The following WDR41 variants were observed in gnomAD, a reference collection of about 807,000 sequenced individuals.
WDR41 encodes WD repeat domain 41, also known as WD repeat-containing protein 41.
WDR41 carries 63 observed loss-of-function variants against 69.3 expected under a neutral mutation model. The observed-to-expected ratio is 0.91, with a 90% CI of 0.74 to 1.12. The LOEUF is 1.12. WDR41 is among the 50% of genes most tolerant of loss of function. The pLI is 0.00. For synonymous variants in WDR41, 185 were observed against 192.1 expected (o/e 0.96, Z 0.31); for missense variants, 543 against 534.5 (o/e 1.02, Z -0.16).
intron 2 of WDR41, among the ~76,000 whole-genome samples, chr5:77,469,742 A>C (rs1800483413): frequency 1.1e-5 from 1 of 88,152 alleles, no homozygotes; most frequent in South Asian, 3.8e-4. Context: ...AAAAAGGATA[A>C]AAAGAAACAA....
In WDR41 at chr5:77,465,182, A is replaced by G. The variant is rs74559240; in HGVS notation, c.168-373T>C. Among the ~76,000 whole-genome samples, 504 of 152,278 alleles carry G rather than the reference A, an allele frequency of 3.3e-3. 4 individuals are homozygous for G. The highest frequency in any genetic ancestry group is 0.011 in the African/African-American group (473 of 41,560). On this transcript the variant is annotated intron_variant, in intron 2 of 12. Coordinates refer to ENST00000296679, the MANE Select transcript of WDR41 (RefSeq NM_018268.4). ...TTCTAGGAAGTGATTACGATGTTAA[A>G]TAAATTCATTACTTCTATTATTCTC...
chr5:77,462,552 T>C (rs375487145), intron 4 of WDR41, among the ~76,000 whole-genome samples: 1 of 152,306 alleles, frequency 6.6e-6, no homozygotes, highest in Admixed American at 6.5e-5. Flanking sequence ...CTTAACTTTT[T>C]ACCTAAAAGT....
At chr5:77,457,771 G>C (rs966345504) in intron 5 of WDR41, among the ~76,000 whole-genome samples, 2 of 151,620 alleles carry the variant, frequency 1.3e-5, no homozygotes, top group Non-Finnish European at 2.9e-5. Flanking sequence ...ATCTATTCAA[G>C]AACAACTGAA....
chr5:77,455,891 T>A (rs1799810729), intron 5 of WDR41, among the ~76,000 whole-genome samples: 1 of 152,096 alleles, frequency 6.6e-6, no homozygotes, highest in Non-Finnish European at 1.5e-5. Flanking sequence ...GTCTTGGAAC[T>A]TTGTTTTTCC....
chr5:77,575,524 A>T (rs1329181210), intron 1 of WDR41, among the ~76,000 whole-genome samples: 11 of 152,172 alleles, frequency 7.2e-5, no homozygotes, highest in Admixed American at 7.2e-4. Context: ...TCAAAGTGTA[A>T]GGGAACACAC....
chr5:77,570,975 T>G lies in WDR41; in HGVS notation c.42+49504A>C, dbSNP rs1743723309. Among the ~76,000 whole-genome samples, 4 of 151,284 alleles carry G rather than the reference T, an allele frequency of 2.6e-5. No individual in the cohort carries two copies. In the South Asian group the frequency reaches 8.3e-4, roughly 31 times the overall value. ...CCACTAAAACTCAGTTCACAGTGTT[T>G]TATGAAAAATAATGGCTGAAATTGA... On this transcript the variant is annotated intron_variant, in intron 1 of 5. Transcript: ENST00000509971.
At chr5:77,485,167 T>C (rs1182417667) in intron 2 of WDR41, among the ~76,000 whole-genome samples, 6 of 152,156 alleles carry the variant, frequency 3.9e-5, no homozygotes, top group Non-Finnish European at 5.9e-5. Context: ...TTCTCTCTTA[T>C]AAACCTATTG....
In WDR41 at chr5:77,536,964, T is replaced by G. The variant is rs1742998494; in HGVS notation, c.43-47392A>C. On this transcript the variant is annotated intron_variant, in intron 1 of 5. Transcript: ENST00000509971. ...GACAGGTTTTAATTCCTGCCTCATC[T>G]TTTATTCTCTATGGAAACCTGACTG... 2.6e-5 allele frequency among the ~76,000 whole-genome samples: 4 copies of G among 152,242 alleles called. No homozygotes were observed. The South Asian group carries it at 6.2e-4, about 24-fold the overall frequency.
At position 77,615,687 on chromosome 5, in the gene WDR41, C is replaced by CAAAA. The variant is rs10695519; in HGVS notation, c.42+4788_42+4791dup. Among the ~76,000 whole-genome samples the CAAAA allele has an allele frequency of 4.0e-3, 314 of 79,132 alleles. 8 individuals carry two copies. Among genetic ancestry groups the CAAAA allele is most frequent in the East Asian group, 0.015 (33 of 2,204 alleles). 51.9% of individuals were successfully genotyped at this position (79,132 alleles called of 152,430 possible). A position where few individuals can be genotyped will look rare whatever the true frequency, so the allele number is the denominator to read the frequency against. On this transcript the variant is annotated intron_variant, in intron 1 of 5. Coordinates refer to the WDR41 transcript ENST00000509971. ...CTCAGTTTTTAAAATTACTGCAAGT[C>CAAAA]AAAAAAAAAAAAAAAAAAAAGGCCA...
intron 5 of WDR41, among the ~76,000 whole-genome samples, chr5:77,455,547 C>T (rs545677299): frequency 1.4e-4 from 21 of 152,244 alleles, no homozygotes; most frequent in Non-Finnish European, 2.9e-4. Context: ...CAGAGATGTA[C>T]GCCTATATTT....
At chr5:77,459,535 AG>A (rs1799956624) in intron 4 of WDR41, among the ~76,000 whole-genome samples, 2 of 152,318 alleles carry the variant, frequency 1.3e-5, no homozygotes, top group South Asian at 4.1e-4. Flanking sequence ...TAATATGGAT[AG>A]CATGATTTAC....
chr5:77,579,551 CA>C (rs1383645199), intron 1 of WDR41, among the ~76,000 whole-genome samples: 1 of 152,126 alleles, frequency 6.6e-6, no homozygotes, highest in Non-Finnish European at 1.5e-5. Flanking sequence ...ACCACCCTGT[CA>C]AACAAGAATC....
intron 1 of WDR41, among the ~76,000 whole-genome samples, chr5:77,594,898 C>T (rs1229363429): frequency 6.6e-6 from 1 of 152,174 alleles, no homozygotes; most frequent in Non-Finnish European, 1.5e-5. Flanking sequence ...CACTATTCTC[C>T]TTCAGAGCAT....
rs555249650 is a variant in WDR41, at chr5:77,514,262, C to T, written c.43-24690G>A. ...ATACTGCAGATTCATTTTTGTGCTACGTGTTTTCCAGTTACAATAGCCTAG... is the reference window on the plus strand; with the variant it reads ...ATACTGCAGATTCATTTTTGTGCTATGTGTTTTCCAGTTACAATAGCCTAG... On this transcript the variant is annotated intron_variant, in intron 1 of 5. Coordinates refer to the WDR41 transcript ENST00000509971. 4.6e-5 allele frequency among the ~76,000 whole-genome samples: 7 copies of T among 152,060 alleles called. No individual in the cohort carries two copies. In the South Asian group the frequency reaches 1.2e-3, roughly 27 times the overall value.
In WDR41 at chr5:77,511,046, C is replaced by G. The variant is rs147532970; in HGVS notation, c.43-21474G>C. On this transcript the variant is annotated intron_variant, in intron 1 of 5. Transcript: ENST00000509971. ...TGCTGGGGTTACAGGTGTGAGCCAC[C>G]ACACCCAGCCCAAATTTAATTTTTA... Among the ~76,000 whole-genome samples the G allele has an allele frequency of 3.4e-3, 510 of 152,130 alleles. 5 individuals are homozygous for G. The highest frequency in any genetic ancestry group is 0.012 in the African/African-American group (479 of 41,484).
intron 9 of WDR41, among the ~76,000 whole-genome samples, chr5:77,439,686 G>A (rs1293000158): frequency 6.6e-6 from 1 of 152,052 alleles, no homozygotes; most frequent in Non-Finnish European, 1.5e-5. Context: ...TAGAAGGAAA[G>A]AACTCACAAC....
intron 12 of WDR41, among the ~76,000 whole-genome samples, chr5:77,435,254 A>C (rs1467335726): frequency 6.6e-6 from 1 of 152,194 alleles, no homozygotes; most frequent in Non-Finnish European, 1.5e-5. Context: ...TCATCCTACT[A>C]AACTTCAAGG....
At chr5:77,503,202 A>AAG (rs2112157119) in intron 1 of WDR41, among the ~76,000 whole-genome samples, 1 of 150,780 alleles carries the variant, frequency 6.6e-6, no homozygotes, top group African/African-American at 2.4e-5. Flanking sequence ...AAAAAAAAAA[A>AAG]AAAAAAAAGC....
intron 1 of WDR41, among the ~76,000 whole-genome samples, chr5:77,583,627 TAA>T (rs892507525): frequency 7.2e-5 from 11 of 152,084 alleles, no homozygotes; most frequent in Non-Finnish European, 1.6e-4. Context: ...TTAAAAATTT[TAA>T]AAAACTACCA....
Sources: gnomAD v4.1 joint callset for allele counts (sites outside exome capture counted in the v4.1 genomes callset) on GRCh38, gnomAD v4.1.1 for gene constraint, MANE v1.5 for transcripts, NCBI Gene and HGNC (gene_info 2026-07-23, HGNC 2026-07-21) for gene names.